The following OPCML variants were observed in gnomAD, a reference collection of about 807,000 sequenced individuals.
The protein encoded by OPCML is opioid binding protein/cell adhesion molecule like.
Under a neutral mutation model 37.8 loss-of-function variants are expected in OPCML, and 13 were observed. The ratio of observed to expected loss-of-function variants is 0.34; its 90% confidence interval spans 0.22 to 0.55. OPCML has a LOEUF of 0.55. OPCML is among the 20% of genes least tolerant of loss of function. The pLI, the probability that OPCML is intolerant of heterozygous loss-of-function variation, is 0.91. For synonymous variants in OPCML, 176 were observed against 168.8 expected (o/e 1.04, Z -0.33); for missense variants, 341 against 435.6 (o/e 0.78, Z 1.93).
Position 132,414,988 on chromosome 11 carries a change from T to A in OPCML, c.*5205A>T, listed in dbSNP as rs1386784326. ...TAAACAGCCCCCCAAAAGTTACAAA[T>A]TTCTCGAACTTTATTGGTACACTGC... On this transcript the variant is annotated 3_prime_UTR_variant, in exon 8 of 8. Coordinates refer to ENST00000524381, the MANE Select transcript of OPCML (RefSeq NM_001012393.5). The A allele has an allele frequency of 1.8e-4, 27 of 152,582 alleles. No homozygotes were observed. The highest frequency in any genetic ancestry group is 1.8e-3 in the Admixed American group (27 of 15,266). 9.5% of individuals were successfully genotyped at this position (152,582 alleles called of 1,614,324 possible).
At chr11:133,217,685 T>C (rs1252828395) in intron 1 of OPCML, among the ~76,000 whole-genome samples, 1 of 152,166 alleles carries the variant, frequency 6.6e-6, no homozygotes, top group Non-Finnish European at 1.5e-5. Context: ...ACCGATCTGC[T>C]GGGATTTCTG....
chr11:133,421,856 C>G, intron 1 of OPCML: 3 of 766,664 alleles, frequency 3.9e-6, no homozygotes, highest in Non-Finnish European at 4.8e-6. Context: ...TGTAACCTCT[C>G]GGAATTCCTG....
At chr11:133,103,913 C>G (rs1949121446) in intron 1 of OPCML, among the ~76,000 whole-genome samples, 2 of 152,220 alleles carry the variant, frequency 1.3e-5, no homozygotes, top group Non-Finnish European at 2.9e-5. Context: ...GCTTATTTGT[C>G]TGGCTAGAGG....
intron 1 of OPCML, among the ~76,000 whole-genome samples, chr11:133,231,202 T>A (rs1188599647): frequency 6.6e-6 from 1 of 152,180 alleles, no homozygotes; most frequent in Non-Finnish European, 1.5e-5. Context: ...AAGGAGTAGC[T>A]GCGGATGAAA....
At chr11:133,263,334 T>A (rs948707989) in intron 1 of OPCML, among the ~76,000 whole-genome samples, 1 of 152,178 alleles carries the variant, frequency 6.6e-6, no homozygotes, top group African/African-American at 2.4e-5. Context: ...TAAGATTATA[T>A]ACTGTATTTT....
chr11:133,034,598 C>G (rs1259311015), intron 1 of OPCML, among the ~76,000 whole-genome samples: 1 of 152,150 alleles, frequency 6.6e-6, no homozygotes, highest in Non-Finnish European at 1.5e-5. Flanking sequence ...TTTACTGTGC[C>G]TCAACGTTCT....
At chr11:133,187,978 G>A (rs1243486118) in intron 1 of OPCML, among the ~76,000 whole-genome samples, 1 of 152,172 alleles carries the variant, frequency 6.6e-6, no homozygotes, top group African/African-American at 2.4e-5. Context: ...GCGTGATGCT[G>A]TCCAAACACT....
At chr11:132,570,799 A>ATATT (rs1359236239) in intron 3 of OPCML, among the ~76,000 whole-genome samples, 1 of 112,130 alleles carries the variant, frequency 8.9e-6, no homozygotes, top group African/African-American at 3.8e-5. Context: ...ATATATATAT[A>ATATT]TATTTAGAGA....
intron 1 of OPCML, among the ~76,000 whole-genome samples, chr11:133,123,519 C>A (rs986583579): frequency 1.3e-5 from 2 of 152,254 alleles, no homozygotes; most frequent in African/African-American, 2.4e-5. Flanking sequence ...AAGGGCAGCA[C>A]GCCTCCGAGG....
chr11:133,178,226 T>C (rs1044090343), intron 1 of OPCML, among the ~76,000 whole-genome samples: 17 of 152,022 alleles, frequency 1.1e-4, no homozygotes, highest in Non-Finnish European at 2.4e-4. Context: ...TGTTAGAAAC[T>C]GATTTTTGGA....
intron 4 of OPCML, among the ~76,000 whole-genome samples, chr11:132,484,488 A>G (rs1469062830): frequency 1.3e-5 from 2 of 152,222 alleles, no homozygotes; most frequent in African/African-American, 2.4e-5. Context: ...AACTAGTTCA[A>G]CCACTGTGGA....
intron 1 of OPCML, among the ~76,000 whole-genome samples, chr11:133,043,959 G>A (rs1317638757): frequency 6.6e-6 from 1 of 152,176 alleles, no homozygotes; most frequent in South Asian, 2.1e-4. Context: ...CTGAATCGAG[G>A]GGGGCACAGC....
chr11:133,443,987 T>A (rs1420724544), intron 1 of OPCML, among the ~76,000 whole-genome samples: 1 of 152,156 alleles, frequency 6.6e-6, no homozygotes, highest in African/African-American at 2.4e-5. Flanking sequence ...GGGTGTCTTA[T>A]TAATATGCTG....
At chr11:133,450,864 G>A (rs1034029734) in intron 1 of OPCML, among the ~76,000 whole-genome samples, 1 of 151,740 alleles carries the variant, frequency 6.6e-6, no homozygotes, top group Non-Finnish European at 1.5e-5. Flanking sequence ...TGGTATGCCA[G>A]CACTCATCAC....
At chr11:132,535,686 A>G (rs907258409) in intron 3 of OPCML, among the ~76,000 whole-genome samples, 1 of 152,196 alleles carries the variant, frequency 6.6e-6, no homozygotes, top group Admixed American at 6.5e-5. Context: ...AGAGGGGTTC[A>G]GGTCACCAGG....
At chr11:132,909,596 G>T (rs139664642) in intron 2 of OPCML, among the ~76,000 whole-genome samples, 3 of 152,200 alleles carry the variant, frequency 2.0e-5, no homozygotes, top group African/African-American at 7.2e-5. Flanking sequence ...GCTTCAGTCC[G>T]TTGTGGAGAG....
At chr11:132,701,762 T>TTGTGTG (rs34453558) in intron 2 of OPCML, among the ~76,000 whole-genome samples, 5 of 142,792 alleles carry the variant, frequency 3.5e-5, no homozygotes, top group African/African-American at 1.3e-4. Context: ...AATTTGATGA[T>TTGTGTG]TGTGTGTGTG....
At chr11:133,380,583 GC>G (rs1436592644) in intron 1 of OPCML, among the ~76,000 whole-genome samples, 2 of 152,086 alleles carry the variant, frequency 1.3e-5, no homozygotes, top group Admixed American at 1.3e-4. Flanking sequence ...CTTAAATGAT[GC>G]CATCAGTACA....
chr11:133,071,558 A>G lies in OPCML; in HGVS notation c.62-128548T>C, dbSNP rs1470224736. On this transcript the variant is annotated intron_variant, in intron 1 of 7. Coordinates refer to ENST00000524381, the MANE Select transcript of OPCML (RefSeq NM_001012393.5). The stretch of plus-strand genomic sequence containing the variant: ...AATCACTGGCCCAGGAGTCAGACAC[A>G]TGGCTCTGTGCTAGCACTGCCTGTC... Among the ~76,000 whole-genome samples the G allele has an allele frequency of 4.6e-5, 7 of 152,314 alleles. No individual in the cohort carries two copies. The South Asian group carries it at 8.3e-4, about 18-fold the overall frequency.
Sources: gnomAD v4.1 joint callset for allele counts (sites outside exome capture counted in the v4.1 genomes callset) on GRCh38, gnomAD v4.1.1 for gene constraint, MANE v1.5 for transcripts, NCBI Gene and HGNC (gene_info 2026-07-23, HGNC 2026-07-21) for gene names.